ANKS1B: variants seen among roughly 807,000 people sequenced by gnomAD.
The protein encoded by ANKS1B is ankyrin repeat and sterile alpha motif domain-containing protein 1B.
In ANKS1B, 36 loss-of-function variants were observed where a neutral mutation model predicts 148.3. The ratio of observed to expected loss-of-function variants is 0.24; its 90% CI spans 0.19 to 0.32. The LOEUF (loss-of-function observed/expected upper bound fraction) is 0.32, where lower values mean the gene tolerates loss of function less well. Ranked by LOEUF, ANKS1B falls within the 10% of genes least tolerant of loss-of-function variation. The pLI, the probability that ANKS1B is intolerant of heterozygous loss-of-function variation, is 1.00. For synonymous variants in ANKS1B, 542 were observed against 560.8 expected (o/e 0.97, Z 0.47); for missense variants, 1,157 against 1,542.6 (o/e 0.75, Z 4.19).
intron 19 of ANKS1B, among the ~76,000 whole-genome samples, chr12:98,820,157 G>A (rs1209139809): frequency 6.6e-6 from 1 of 152,226 alleles, no homozygotes; most frequent in African/African-American, 2.4e-5. Context: ...TGCCACGTCC[G>A]CTAGTTCCCA....
chr12:99,944,877 G>A lies in ANKS1B; in HGVS notation c.134+39227C>T, dbSNP rs142340541. On this transcript the variant is annotated intron_variant, in intron 1 of 26. Coordinates refer to ENST00000683438, the MANE Select transcript of ANKS1B (RefSeq NM_001352186.2). ...TAAGTGAAAAACTCAAGAAGAAGCT[G>A]GCCTTTAAGCTGACTTTGGAGAATG... 3.7e-3 allele frequency among the ~76,000 whole-genome samples: 565 copies of A among 152,198 alleles called. 1 individual carries two copies. Among genetic ancestry groups the A allele is most frequent in the Non-Finnish European group, 4.8e-3 (328 of 67,998 alleles).
chr12:98,917,132 TA>T (rs1223247586), intron 17 of ANKS1B, among the ~76,000 whole-genome samples: 1 of 152,280 alleles, frequency 6.6e-6, no homozygotes, highest in East Asian at 1.9e-4. Context: ...AGTTAATTTT[TA>T]AATTTTTCGT....
At chr12:98,769,709 T>C (rs1003872328) in intron 25 of ANKS1B, among the ~76,000 whole-genome samples, 2 of 152,162 alleles carry the variant, frequency 1.3e-5, no homozygotes, top group African/African-American at 4.8e-5. Context: ...GAAACCAGTT[T>C]TAGTTTCATG....
In ANKS1B at chr12:99,561,382, T is replaced by C. The variant is rs1394547047; in HGVS notation, c.1273-56741A>G. ...CAACATTCACAGGATTGCTGAGGGA[T>C]TGTTCACAGGATTGATGAGGCCTCA... is the stretch of plus-strand genomic sequence containing the variant. On this transcript the variant is annotated intron_variant, in intron 9 of 26. Transcript: ENST00000683438. Among the ~76,000 whole-genome samples, 3 of 152,154 alleles carry C rather than the reference T, an allele frequency of 2.0e-5. No homozygotes were observed. The East Asian group carries it at 5.8e-4, about 29-fold the overall frequency.
At chr12:99,561,665 G>A (rs549201791) in intron 9 of ANKS1B, among the ~76,000 whole-genome samples, 1 of 151,926 alleles carries the variant, frequency 6.6e-6, no homozygotes, top group African/African-American at 2.4e-5. Flanking sequence ...GTTTTATCAT[G>A]ATATTGCAGC....
chr12:99,446,093 T>C (rs2095632873), intron 10 of ANKS1B, among the ~76,000 whole-genome samples: 1 of 150,754 alleles, frequency 6.6e-6, no homozygotes. Context: ...TGAGAACTGA[T>C]AACAGATAAA....
intron 12 of ANKS1B, among the ~76,000 whole-genome samples, chr12:99,310,110 T>C (rs2082933259): frequency 6.6e-6 from 1 of 152,112 alleles, no homozygotes; most frequent in East Asian, 1.9e-4. Context: ...AGTTTGGAGA[T>C]TAGTTGGCTT....
intron 12 of ANKS1B, among the ~76,000 whole-genome samples, chr12:99,317,130 A>G (rs1167156430): frequency 6.6e-6 from 1 of 152,194 alleles, no homozygotes; most frequent in Non-Finnish European, 1.5e-5. Context: ...CTTTTTGCTT[A>G]GGATTGTCTT....
At chr12:99,565,972 G>A (rs1263285325) in intron 9 of ANKS1B, among the ~76,000 whole-genome samples, 1 of 152,146 alleles carries the variant, frequency 6.6e-6, no homozygotes, top group Non-Finnish European at 1.5e-5. Flanking sequence ...GAAAAAATCA[G>A]TGAGGCACAC....
At chr12:99,770,222 A>C (rs1248553225) in intron 8 of ANKS1B, among the ~76,000 whole-genome samples, 1 of 152,048 alleles carries the variant, frequency 6.6e-6, no homozygotes, top group African/African-American at 2.4e-5. Flanking sequence ...AATAGCAAAA[A>C]CTGAGTAAGT....
chr12:98,915,008 T>C (rs888841082), intron 17 of ANKS1B, among the ~76,000 whole-genome samples: 2 of 152,242 alleles, frequency 1.3e-5, no homozygotes, highest in African/African-American at 4.8e-5. Flanking sequence ...CTTTGTTTAC[T>C]GCTACATCCT....
chr12:99,831,031 T>C (rs927299775), intron 1 of ANKS1B, among the ~76,000 whole-genome samples: 4 of 152,178 alleles, frequency 2.6e-5, no homozygotes, highest in Non-Finnish European at 5.9e-5. Flanking sequence ...ATGGGACTTA[T>C]CACCATCTGG....
At chr12:99,093,568 C>G (rs1466460708) in intron 15 of ANKS1B, 1 of 152,290 alleles carries the variant, frequency 6.6e-6, no homozygotes, top group Admixed American at 6.5e-5. Flanking sequence ...TGGGGACAAG[C>G]TAAGGACATT....
rs567597591 is a variant in ANKS1B at position 99,246,161 on chromosome 12, G to C, written c.2346+114C>G. 6.7e-6 allele frequency: 5 copies of C among 748,242 alleles called. No individual in the cohort carries two copies. The African/African-American group carries it at 9.0e-5, about 14-fold the overall frequency. The allele number at this position is 748,242 out of a possible 1,614,324, so 46.4% of individuals were successfully genotyped here. ...GAACCATTTCATTCCAGTTGGAGCC[G>C]TATGCTTTTTTTTTTCTTGCTTTTG... On this transcript the variant is annotated intron_variant, in intron 13 of 26. Transcript: ENST00000683438.
At chr12:99,095,452 A>T (rs892411757) in intron 15 of ANKS1B, among the ~76,000 whole-genome samples, 1 of 152,180 alleles carries the variant, frequency 6.6e-6, no homozygotes, top group Non-Finnish European at 1.5e-5. Context: ...GAGTGGCTAA[A>T]CAGTTCAGAG....
intron 4 of ANKS1B, among the ~76,000 whole-genome samples, chr12:99,800,184 G>A (rs1360596529): frequency 6.6e-6 from 1 of 151,968 alleles, no homozygotes; most frequent in East Asian, 1.9e-4. Context: ...AATGGAACTG[G>A]TGTCCTTATA....
At chr12:98,770,821 A>C (rs2098555712) in intron 25 of ANKS1B, among the ~76,000 whole-genome samples, 1 of 152,228 alleles carries the variant, frequency 6.6e-6, no homozygotes, top group South Asian at 2.1e-4. Flanking sequence ...TGCTTCAGGC[A>C]GTCTTCTACC....
chr12:99,012,502 C>T (rs957736903), intron 17 of ANKS1B, among the ~76,000 whole-genome samples: 2 of 152,176 alleles, frequency 1.3e-5, no homozygotes, highest in East Asian at 1.9e-4. Flanking sequence ...ACTATTCTCC[C>T]AGCCATGGAG....
chr12:99,867,117 G>A (rs963388235), intron 1 of ANKS1B, among the ~76,000 whole-genome samples: 10 of 152,018 alleles, frequency 6.6e-5, no homozygotes, highest in Admixed American at 6.6e-5. Context: ...TATTCACCTG[G>A]CCACTGTAAA....
Sources: allele counts gnomAD v4.1 joint callset (sites outside exome capture counted in the v4.1 genomes callset), GRCh38; gene constraint gnomAD v4.1.1; transcripts MANE v1.5; gene names NCBI Gene and HGNC (gene_info 2026-07-23, HGNC 2026-07-21).